The following FSIP2 variants were observed in gnomAD, a reference collection of about 807,000 sequenced individuals.
The protein encoded by FSIP2 is fibrous sheath-interacting protein 2.
Under a neutral mutation model 510.5 loss-of-function variants are expected in FSIP2, and 367 were observed. The observed-to-expected ratio is 0.72, with a 90% confidence interval of 0.66 to 0.78. The LOEUF (loss-of-function observed/expected upper bound fraction) is 0.78, where lower values mean the gene tolerates loss of function less well. FSIP2 is among the 30% of genes least tolerant of loss of function. The probability of loss-of-function intolerance (pLI) is 0.00; values close to 1 mark genes in which losing one functional copy is unlikely to be tolerated. For synonymous variants in FSIP2, 2,601 were observed against 2,732.2 expected (o/e 0.95, Z 1.50); for missense variants, 7,594 against 7,901.7 (o/e 0.96, Z 1.48).
intron 9 of FSIP2, among the ~76,000 whole-genome samples, chr2:185,758,879 T>C (rs1391035651): frequency 6.6e-6 from 1 of 151,296 alleles, no homozygotes; most frequent in African/African-American, 2.4e-5. Flanking sequence ...TTATAATAAG[T>C]TTTGAAATTT....
intron 4 of FSIP2, among the ~76,000 whole-genome samples, 195 bp from the exon 5 acceptor site, chr2:185,745,234 T>C (rs1156959177): frequency 1.3e-5 from 2 of 152,178 alleles, no homozygotes; most frequent in Non-Finnish European, 2.9e-5. Context: ...ACAAATAAAC[T>C]GAAATGTTTA....
Position 185,807,608 on chromosome 2 carries a change from T to C in FSIP2, c.18302T>C (p.Ile6101Thr). ...NLLPQFGSQE[I>T]IQNCVTSGCK... is the part of the protein sequence containing the mutation. ...TTGCCACAGTTTGGATCACAAGAGA[T>C]TATACAAAATTGTGTAACCAGTGGA... Residue 6101 changes from isoleucine (I) to threonine (T), a missense_variant, in exon 17 of 23, where the codon ATT (isoleucine) becomes ACT (threonine). Coordinates refer to ENST00000424728, the MANE Select transcript of FSIP2 (RefSeq NM_173651.4). The C allele has an allele frequency of 6.2e-7, 1 of 1,612,838 alleles. No individual in the cohort carries two copies. The highest frequency in any genetic ancestry group is 2.2e-5 in the East Asian group (1 of 44,804).
At chr2:185,816,398 A>G (rs1211066672) in intron 19 of FSIP2, among the ~76,000 whole-genome samples, 1 of 152,028 alleles carries the variant, frequency 6.6e-6, no homozygotes, top group Non-Finnish European at 1.5e-5. Flanking sequence ...AATACTAAAT[A>G]AAAATGATTT....
At chr2:185,828,127 T>A in intron 20 of FSIP2, 29 bp from the exon 21 acceptor site, 1 of 1,343,956 alleles carries the variant, frequency 7.4e-7, no homozygotes, top group Non-Finnish European at 1.1e-6. Flanking sequence ...AAAGAGACTA[T>A]TTTACTTTTT....
In FSIP2 at chr2:185,793,229, T is replaced by C. The variant is rs1380477352; in HGVS notation, c.6093T>C (p.Ile2031=). 2 of 1,534,010 alleles carry C rather than the reference T, an allele frequency of 1.3e-6. No individual in the cohort carries two copies. Residue 2031 remains isoleucine, a synonymous_variant, in exon 16 of 23, where the codon ATT becomes ATC. Transcript: ENST00000424728. The stretch of plus-strand genomic sequence containing the variant: ...AAAATCCTTTTTTAACTCATGACAT[T>C]GGGATTTCTGAAAGTATTGCAAGTC... The part of the protein sequence containing the change: ...ERENPFLTHD[I]GISESIASQI...
rs887781305 is a variant in FSIP2, at chr2:185,805,136, T to C, written c.15830T>C (p.Leu5277Ser). ...CCTTCTCTCTATTCAGCTACATTTT[T>C]GGAAGACATAATCATTGACCTTGTT... ...TQPSLYSATFLEDIIIDLVHK... is the reference protein window; with the variant it reads ...TQPSLYSATFSEDIIIDLVHK... The change falls in exon 17 of 23, where the codon TTG (leucine) becomes TCG (serine). Residue 5277 changes from leucine to serine, a missense_variant. By Grantham distance (145) the Leu-to-Ser change is moderately radical. Coordinates refer to ENST00000424728, the MANE Select transcript of FSIP2 (RefSeq NM_173651.4). The C allele has an allele frequency of 1.2e-6, 2 of 1,609,990 alleles. No homozygotes were observed. Among genetic ancestry groups the C allele is most frequent in the African/African-American group, 2.7e-5 (2 of 74,696 alleles).
Position 185,804,477 on chromosome 2 carries a change from A to T in FSIP2, c.15171A>T (p.Ile5057=). The T allele has an allele frequency of 1.3e-6, 2 of 1,516,704 alleles. No individual in the cohort carries two copies. The highest frequency in any genetic ancestry group is 1.8e-6 in the Non-Finnish European group (2 of 1,136,718). 94.0% of individuals were successfully genotyped at this position (1,516,704 alleles called of 1,614,324 possible). A position where few individuals can be genotyped will look rare whatever the true frequency, so the allele number is the denominator to read the frequency against. The part of the protein sequence containing the change: ...QSDTICFGRK[I]YYLLLEEIYD... ...ACACAATATGTTTTGGTAGGAAAAT[A>T]TATTATTTGCTATTGGAAGAAATAT... Residue 5057 remains isoleucine, a synonymous_variant, in exon 17 of 23, where the codon ATA becomes ATT. Coordinates refer to ENST00000424728, the MANE Select transcript of FSIP2 (RefSeq NM_173651.4).
rs1693421682 is a variant in FSIP2, at chr2:185,801,021, G to T, written c.11715G>T (p.Arg3905Ser). The T allele has an allele frequency of 2.0e-6, 3 of 1,531,640 alleles. No individual in the cohort carries two copies. Among genetic ancestry groups the T allele is most frequent in the Middle Eastern group, 3.4e-4 (2 of 5,958 alleles). The allele number at this position is 1,531,640 out of a possible 1,614,324, so 94.9% of individuals were successfully genotyped here. ...AGAGTAAAAGTTCTTTAGAACTCAG[G>T]AGCTATGATAGTAATTCTTTGACAG... is the stretch of plus-strand genomic sequence containing the variant. Reference protein sequence around the residue: ...LGQSKSSLELRSYDSNSLTVS... With the variant: ...LGQSKSSLELSSYDSNSLTVS... Residue 3905 changes from arginine to serine, a missense_variant, in exon 17 of 23, where the codon AGG becomes AGT. Arg to Ser is a moderately radical substitution (Grantham distance 110). Transcript: ENST00000424728.
intron 13 of FSIP2, among the ~76,000 whole-genome samples, chr2:185,779,659 TCAA>T (rs1266118494): frequency 9.9e-5 from 15 of 152,132 alleles, no homozygotes; most frequent in Non-Finnish European, 1.8e-4. Context: ...GTTTTATCAG[TCAA>T]ATTGCTTTCT....
chr2:185,758,832 T>G (rs1692295638), intron 9 of FSIP2, among the ~76,000 whole-genome samples: 1 of 151,312 alleles, frequency 6.6e-6, no homozygotes, highest in Non-Finnish European at 1.5e-5. Context: ...TTATCTGTCT[T>G]TATGCAAATA....
At position 185,801,173 on chromosome 2, in the gene FSIP2, C is replaced by G; in HGVS notation, c.11867C>G (p.Ala3956Gly). 6.5e-7 allele frequency: 1 copy of G among 1,533,954 alleles called. No homozygotes were observed. The highest frequency in any genetic ancestry group is 8.7e-7 in the Non-Finnish European group (1 of 1,145,432). ...AGAACAAAGGAAATGGATAAGGTAG[C>G]CATTCATAATAAGCTACATCAGGAA... ...RQRTKEMDKVAIHNKLHQEGI... is the reference protein window; with the variant it reads ...RQRTKEMDKVGIHNKLHQEGI... The change falls in exon 17 of 23, where the codon GCC becomes GGC. Residue 3956 changes from alanine to glycine, a missense_variant. Physicochemically the swap from Ala to Gly is moderately conservative, Grantham distance 60 (BLOSUM62 0). Transcript: ENST00000424728.
Position 185,833,188 on chromosome 2 carries a change from T to C in FSIP2, c.20686T>C (p.Ser6896Pro), listed in dbSNP as rs1424185049. Reference sequence around the variant, plus strand: ...GTTTTCTCAATGTAACACCAATATTTCCAGATCTTCCTCACCAGCTCACCA... The same window carrying C: ...GTTTTCTCAATGTAACACCAATATTCCCAGATCTTCCTCACCAGCTCACCA... ...KVFSQCNTNISRSSSPAHQDE... is the reference protein window; with the variant it reads ...KVFSQCNTNIPRSSSPAHQDE... Residue 6896 changes from serine (S) to proline (P), a missense_variant, in exon 23 of 23, where the codon TCC becomes CCC. Ser to Pro is a moderately conservative substitution (Grantham distance 74). Transcript: ENST00000424728. The C allele has an allele frequency of 6.2e-7, 1 of 1,611,222 alleles. No homozygotes were observed. Among genetic ancestry groups the C allele is most frequent in the Admixed American group, 1.7e-5 (1 of 59,692 alleles).
At chr2:185,743,660 G>A (rs936277370) in intron 3 of FSIP2, among the ~76,000 whole-genome samples, 17 of 152,088 alleles carry the variant, frequency 1.1e-4, no homozygotes, top group Non-Finnish European at 2.9e-5. Context: ...AACTTGAGAT[G>A]AAACAGAAAC....
rs557891741 is a variant in FSIP2 at position 185,771,723 on chromosome 2, C to CT, written c.1411+7162dup. On this transcript the variant is annotated intron_variant, in intron 13 of 22. Coordinates refer to ENST00000424728, the MANE Select transcript of FSIP2 (RefSeq NM_173651.4). ...GTCTTGGTTGTTAACACTTGGCCCC[C>CT]TTTTAGTCATGCTAATCTCTCTAGT... Among the ~76,000 whole-genome samples the CT allele has an allele frequency of 3.3e-5, 5 of 152,306 alleles. No homozygotes were observed. In the South Asian group the frequency reaches 8.3e-4, roughly 25 times the overall value.
At position 185,789,004 on chromosome 2, in the gene FSIP2, T is replaced by C. The variant is rs1693053973; in HGVS notation, c.1868T>C (p.Ile623Thr). Reference protein sequence around the residue: ...KTCHIKGQSIISKHKYNKTNL... With the variant: ...KTCHIKGQSITSKHKYNKTNL... Reference sequence around the variant, plus strand: ...TGTCACATAAAAGGACAATCTATAATCTCTAAACATAAATATAATAAAACC... The same window carrying C: ...TGTCACATAAAAGGACAATCTATAACCTCTAAACATAAATATAATAAAACC... The change falls in exon 16 of 23, where the codon ATC becomes ACC. Residue 623 changes from isoleucine (I) to threonine (T), a missense_variant. Physicochemically the swap from Ile to Thr is moderately conservative, Grantham distance 89. Coordinates refer to ENST00000424728, the MANE Select transcript of FSIP2 (RefSeq NM_173651.4). The C allele has an allele frequency of 1.4e-5, 21 of 1,533,928 alleles. No homozygotes were observed. Among genetic ancestry groups the C allele is most frequent in the Non-Finnish European group, 1.4e-5 (16 of 1,145,476 alleles).
At chr2:185,778,323 TATG>T (rs1245532429) in intron 13 of FSIP2, among the ~76,000 whole-genome samples, 1 of 152,010 alleles carries the variant, frequency 6.6e-6, no homozygotes, top group Non-Finnish European at 1.5e-5. Context: ...TAGTAATACA[TATG>T]ATGATTGTTA....
Position 185,789,751 on chromosome 2 carries a change from A to C in FSIP2, c.2615A>C (p.Lys872Thr). The C allele has an allele frequency of 6.5e-7, 1 of 1,534,492 alleles. No homozygotes were observed. Among genetic ancestry groups the C allele is most frequent in the Non-Finnish European group, 8.7e-7 (1 of 1,145,790 alleles). ...CMFLQRAGKN[K>T]SSLESDEASL... ...TTCCTTCAAAGAGCTGGCAAAAATA[A>C]ATCTAGTCTTGAATCTGATGAAGCT... Residue 872 changes from lysine to threonine, a missense_variant, in exon 16 of 23, where the codon AAA becomes ACA. Transcript: ENST00000424728.
intron 13 of FSIP2, among the ~76,000 whole-genome samples, chr2:185,772,468 T>C (rs1692623788): frequency 6.6e-6 from 1 of 152,182 alleles, no homozygotes; most frequent in Non-Finnish European, 1.5e-5. Context: ...CTTCCACTCA[T>C]GGCAGAAGGT....
Position 185,805,727 on chromosome 2 carries a change from G to C in FSIP2, c.16421G>C (p.Ser5474Thr). Residue 5474 changes from serine (S) to threonine (T), a missense_variant, in exon 17 of 23, where the codon AGT (serine) becomes ACT (threonine). Ser to Thr is a moderately conservative substitution (Grantham distance 58). Transcript: ENST00000424728. Reference protein sequence around the residue: ...INRGTMNRKKSFKTKDTSVKK... With the variant: ...INRGTMNRKKTFKTKDTSVKK... ...AGAGGTACAATGAATAGAAAGAAAAGTTTTAAAACCAAGGACACATCAGTG... is the reference window on the plus strand; with the variant it reads ...AGAGGTACAATGAATAGAAAGAAAACTTTTAAAACCAAGGACACATCAGTG... 1 of 1,606,114 alleles carries C rather than the reference G, an allele frequency of 6.2e-7. No individual in the cohort carries two copies.
Sources: allele counts gnomAD v4.1 joint callset (sites outside exome capture counted in the v4.1 genomes callset), GRCh38; gene constraint gnomAD v4.1.1; transcripts MANE v1.5; gene names NCBI Gene and HGNC (gene_info 2026-07-23, HGNC 2026-07-21).